Variants in PTPRG observed in about 807,000 individuals in gnomAD.
The protein encoded by PTPRG is receptor-type tyrosine-protein phosphatase gamma.
A neutral mutation model predicts 165.3 loss-of-function variants in PTPRG; 102 were observed. The ratio of observed to expected loss-of-function variants is 0.62; its 90% CI spans 0.53 to 0.73. The LOEUF (loss-of-function observed/expected upper bound fraction) is 0.73, where lower values mean the gene tolerates loss of function less well. PTPRG is among the 30% of genes least tolerant of loss of function. The probability of loss-of-function intolerance (pLI) is 0.00; values close to 1 mark genes in which losing one functional copy is unlikely to be tolerated. For synonymous variants in PTPRG, 675 were observed against 669.5 expected (o/e 1.01, Z -0.13); for missense variants, 1,866 against 1,861.4 (o/e 1.00, Z -0.05).
chr3:61,710,795 A>C (rs1167741728), intron 1 of PTPRG, among the ~76,000 whole-genome samples: 1 of 151,898 alleles, frequency 6.6e-6, no homozygotes, highest in Non-Finnish European at 1.5e-5. Context: ...ATTATACTTC[A>C]AGTTCTGGGA....
At chr3:61,644,453 A>G (rs1473022529) in intron 1 of PTPRG, among the ~76,000 whole-genome samples, 1 of 152,176 alleles carries the variant, frequency 6.6e-6, no homozygotes, top group African/African-American at 2.4e-5. Flanking sequence ...GGGAATTCAG[A>G]AGTGATTCTG....
intron 6 of PTPRG, among the ~76,000 whole-genome samples, chr3:62,142,950 C>T (rs1477055105): frequency 6.6e-5 from 10 of 152,156 alleles, no homozygotes; most frequent in Admixed American, 5.9e-4. Flanking sequence ...GAAAGGCAAG[C>T]AAAGCAGTCA....
chr3:61,901,523 CTA>C (rs1380434797), intron 2 of PTPRG, among the ~76,000 whole-genome samples: 1 of 152,224 alleles, frequency 6.6e-6, no homozygotes, highest in Non-Finnish European at 1.5e-5. Flanking sequence ...CCCTTGGAAA[CTA>C]TAAATCCAAA....
intron 4 of PTPRG, among the ~76,000 whole-genome samples, chr3:62,039,622 T>A (rs1700062997): frequency 6.6e-6 from 1 of 152,224 alleles, no homozygotes; most frequent in African/African-American, 2.4e-5. Context: ...AACTATTGTT[T>A]ACCATCCCGA....
At chr3:62,201,762 A>C in intron 11 of PTPRG, among the ~76,000 whole-genome samples, 1 of 152,204 alleles carries the variant, frequency 6.6e-6, no homozygotes, top group Admixed American at 6.5e-5. Context: ...TATATTATAT[A>C]ATTTTGTGAA....
chr3:61,663,280 G>A (rs1323512939), intron 1 of PTPRG, among the ~76,000 whole-genome samples: 3 of 152,240 alleles, frequency 2.0e-5, no homozygotes, highest in African/African-American at 7.2e-5. Flanking sequence ...GTAGGGACAT[G>A]TCTGTATTAT....
At chr3:61,749,733 T>G (rs1243666646) in intron 2 of PTPRG, 1 of 153,914 alleles carries the variant, frequency 6.5e-6, no homozygotes, top group African/African-American at 2.4e-5. Flanking sequence ...TAAAGCTAAT[T>G]AAGGAATGCT....
intron 2 of PTPRG, among the ~76,000 whole-genome samples, chr3:61,902,615 A>G (rs1289025401): frequency 6.6e-6 from 1 of 152,192 alleles, no homozygotes; most frequent in East Asian, 1.9e-4. Flanking sequence ...ATATAAAAGC[A>G]CTTATATCAT....
chr3:61,610,068 A>G (rs567978964), intron 1 of PTPRG, among the ~76,000 whole-genome samples: 2 of 148,792 alleles, frequency 1.3e-5, no homozygotes, highest in African/African-American at 5.0e-5. Context: ...AGGAGTATGA[A>G]CTCCGATACC....
chr3:61,830,639 A>T lies in PTPRG; in HGVS notation c.190+81657A>T, dbSNP rs190926445. Among the ~76,000 whole-genome samples the T allele has an allele frequency of 2.0e-4, 26 of 130,146 alleles. No individual in the cohort carries two copies. The East Asian group carries it at 3.4e-3, about 17-fold the overall frequency. The allele number at this position is 130,146 out of a possible 152,430, so 85.4% of individuals were successfully genotyped here. A position where few individuals can be genotyped will look rare whatever the true frequency, so the allele number is the denominator to read the frequency against. Reference sequence around the variant, plus strand: ...GCCCATGCTGGAGTGCAATGCCGTGATCTCGGTTCACTGCAACCTCCACCT... The same window carrying T: ...GCCCATGCTGGAGTGCAATGCCGTGTTCTCGGTTCACTGCAACCTCCACCT... On this transcript the variant is annotated intron_variant, in intron 2 of 29. Coordinates refer to ENST00000474889, the MANE Select transcript of PTPRG (RefSeq NM_002841.4).
intron 2 of PTPRG, among the ~76,000 whole-genome samples, chr3:61,987,946 T>G (rs1281188989): frequency 6.6e-6 from 1 of 152,200 alleles, no homozygotes; most frequent in East Asian, 1.9e-4. Flanking sequence ...ACTATCCCTT[T>G]GTGAATCATC....
At chr3:61,761,117 T>C (rs2033819887) in intron 2 of PTPRG, among the ~76,000 whole-genome samples, 1 of 152,216 alleles carries the variant, frequency 6.6e-6, no homozygotes, top group African/African-American at 2.4e-5. Context: ...TGTATACCCA[T>C]TAATGGGATT....
intron 28 of PTPRG, 105 bp from the exon 29 acceptor site, chr3:62,292,316 A>G: frequency 7.8e-7 from 1 of 1,279,444 alleles, no homozygotes; most frequent in Non-Finnish European, 1.1e-6. Flanking sequence ...GTAAATGTCA[A>G]AACAGTCTAC....
intron 1 of PTPRG, among the ~76,000 whole-genome samples, chr3:61,570,123 G>A (rs191733279): frequency 1.6e-4 from 25 of 152,260 alleles, no homozygotes; most frequent in Non-Finnish European, 3.1e-4. Flanking sequence ...CAGTAGTTGG[G>A]TGTTTGCTTT....
chr3:61,768,532 A>T (rs2034106841), intron 2 of PTPRG, among the ~76,000 whole-genome samples: 1 of 152,156 alleles, frequency 6.6e-6, no homozygotes, highest in South Asian at 2.1e-4. Context: ...ATTTTCTCAA[A>T]ATCTGTGTCT....
intron 1 of PTPRG, among the ~76,000 whole-genome samples, chr3:61,632,417 G>A (rs1701794930): frequency 2.0e-5 from 3 of 152,224 alleles, no homozygotes; most frequent in Non-Finnish European, 4.4e-5. Flanking sequence ...ATGAAAGCAG[G>A]TTGACAGATA....
At chr3:61,935,980 T>C (rs1204205310) in intron 2 of PTPRG, among the ~76,000 whole-genome samples, 1 of 152,154 alleles carries the variant, frequency 6.6e-6, no homozygotes, top group East Asian at 1.9e-4. Flanking sequence ...ATGAGGACTT[T>C]GCCCTCATGA....
At chr3:61,583,736 A>G (rs1201977456) in intron 1 of PTPRG, among the ~76,000 whole-genome samples, 2 of 152,144 alleles carry the variant, frequency 1.3e-5, no homozygotes, top group Non-Finnish European at 2.9e-5. Flanking sequence ...GCCACGTGAC[A>G]TGAAGACATC....
intron 1 of PTPRG, among the ~76,000 whole-genome samples, chr3:61,692,442 G>A (rs1235085643): frequency 6.6e-6 from 1 of 152,212 alleles, no homozygotes; most frequent in East Asian, 1.9e-4. Flanking sequence ...GATATTAGCT[G>A]CTATTACTAC....
Sources: gnomAD v4.1 joint callset for allele counts (sites outside exome capture counted in the v4.1 genomes callset) on GRCh38, gnomAD v4.1.1 for gene constraint, MANE v1.5 for transcripts, NCBI Gene and HGNC (gene_info 2026-07-23, HGNC 2026-07-21) for gene names.